The following SND1 variants were observed in gnomAD, a reference collection of about 807,000 sequenced individuals.
SND1 encodes staphylococcal nuclease domain-containing protein 1.
SND1 carries 38 observed loss-of-function variants against 121.7 expected under a neutral mutation model. The observed-to-expected ratio is 0.31, with a 90% CI of 0.24 to 0.41. SND1 has a LOEUF of 0.41. SND1 is among the 10% of genes least tolerant of loss of function. SND1 has a pLI of 1.00. For missense variants in SND1, 868 were observed against 1,184.6 expected, an observed-to-expected ratio of 0.73 and a Z score of 3.92; for synonymous variants, 401 against 447.4, an observed-to-expected ratio of 0.90 and a Z score of 1.31.
In SND1 at chr7:127,836,499, T is replaced by A. The variant is rs1477139923; in HGVS notation, c.1243-7825T>A. On this transcript the variant is annotated intron_variant, in intron 11 of 23. Transcript: ENST00000354725. ...GGGAGCATTGGTTTATGTCTTCTAA[T>A]CTTTGTAGCATAGATGAGACAACAA... Among the ~76,000 whole-genome samples the A allele has an allele frequency of 8.5e-5, 13 of 152,176 alleles. 1 individual carries two copies. Among genetic ancestry groups the A allele is most frequent in the Admixed American group, 8.5e-4 (13 of 15,280 alleles).
At chr7:127,990,644 TGAG>T (rs1802500055) in intron 15 of SND1, among the ~76,000 whole-genome samples, 1 of 152,186 alleles carries the variant, frequency 6.6e-6, no homozygotes, top group East Asian at 1.9e-4. Flanking sequence ...CAGTGCAGGA[TGAG>T]GAGTTCCTGC....
chr7:127,767,407 C>T (rs1468121638), intron 10 of SND1, among the ~76,000 whole-genome samples: 1 of 152,124 alleles, frequency 6.6e-6, no homozygotes, highest in East Asian at 1.9e-4. Context: ...TGAAGCTAGG[C>T]CCTCGAATCT....
chr7:128,000,725 C>T (rs969750971), intron 16 of SND1, among the ~76,000 whole-genome samples: 4 of 152,186 alleles, frequency 2.6e-5, no homozygotes, highest in Non-Finnish European at 4.4e-5. Flanking sequence ...CTCCCTGTTC[C>T]GTTTGTCCTA....
At chr7:127,916,746 A>G (rs2116791161) in intron 14 of SND1, among the ~76,000 whole-genome samples, 1 of 152,320 alleles carries the variant, frequency 6.6e-6, no homozygotes, top group Non-Finnish European at 1.5e-5. Context: ...TGAAATTGAA[A>G]ACTATCCAGT....
intron 11 of SND1, among the ~76,000 whole-genome samples, chr7:127,815,494 A>T (rs1350052833): frequency 1.3e-5 from 2 of 152,040 alleles, no homozygotes; most frequent in Admixed American, 1.3e-4. Flanking sequence ...CAACTCTAGA[A>T]GAAGAAGGAG....
intron 1 of SND1, among the ~76,000 whole-genome samples, chr7:127,685,413 T>TA (rs1457438494): frequency 6.6e-6 from 1 of 152,362 alleles, no homozygotes; most frequent in Non-Finnish European, 1.5e-5. Context: ...CTTTCGAAGC[T>TA]ATTTTTTATG....
intron 16 of SND1, among the ~76,000 whole-genome samples, chr7:128,023,866 CAT>C (rs1421652409): frequency 6.6e-6 from 1 of 152,120 alleles, no homozygotes; most frequent in African/African-American, 2.4e-5. Flanking sequence ...CACACACATA[CAT>C]ATATAATTAT....
At chr7:127,872,867 A>G (rs1282628674) in intron 12 of SND1, among the ~76,000 whole-genome samples, 1 of 152,192 alleles carries the variant, frequency 6.6e-6, no homozygotes, top group Non-Finnish European at 1.5e-5. Flanking sequence ...TTGGGGAGTC[A>G]TATTTGGTTA....
At chr7:127,961,007 T>C (rs17151575) in intron 15 of SND1, among the ~76,000 whole-genome samples, 9,763 of 152,274 alleles carry the variant, frequency 0.064, 943 homozygotes, top group African/African-American at 0.2. Context: ...GGCACATCTC[T>C]GGCAGAGGGT....
At chr7:127,706,294 G>A (rs1396362913) in intron 8 of SND1, among the ~76,000 whole-genome samples, 1 of 117,086 alleles carries the variant, frequency 8.5e-6, no homozygotes, top group African/African-American at 3.5e-5. Context: ...GTCTTGCTCT[G>A]TTGCCAGGCT....
intron 10 of SND1, among the ~76,000 whole-genome samples, chr7:127,781,922 G>A (rs920113074): frequency 2.6e-5 from 4 of 152,166 alleles, no homozygotes; most frequent in Non-Finnish European, 5.9e-5. Flanking sequence ...ATAATTATTT[G>A]CAGTACTTAG....
chr7:128,015,458 G>C lies in SND1; in HGVS notation c.1779+24402G>C, dbSNP rs1177301875. Among the ~76,000 whole-genome samples, 2 of 152,120 alleles carry C rather than the reference G, an allele frequency of 1.3e-5. No homozygotes were observed. The highest frequency in any genetic ancestry group is 2.4e-5 in the African/African-American group (1 of 41,422). On this transcript the variant is annotated intron_variant, in intron 16 of 23. Transcript: ENST00000354725. The surrounding 1 kb of genome is among the most constrained non-coding windows in gnomAD (Gnocchi z 4.5). ...CTCCCTAAGTATTTATAGGAGCTGA[G>C]AGTCAAAAAAGCACATGTCAGAAAT...
chr7:127,766,546 C>A (rs532395416), intron 10 of SND1, among the ~76,000 whole-genome samples: 17 of 152,080 alleles, frequency 1.1e-4, no homozygotes, highest in African/African-American at 3.4e-4. Context: ...GAGGCCAAGG[C>A]GGGCGAATCA....
At chr7:127,929,110 T>G in intron 14 of SND1, 78 bp from the exon 15 acceptor site, 6 of 1,478,504 alleles carry the variant, frequency 4.1e-6, no homozygotes, top group Non-Finnish European at 5.6e-6. Context: ...CCTGCCAAAC[T>G]TTTTGTCCTA....
chr7:128,016,427 TACTG>T (rs1803226410), intron 16 of SND1, among the ~76,000 whole-genome samples: 1 of 152,182 alleles, frequency 6.6e-6, no homozygotes, highest in Non-Finnish European at 1.5e-5. Flanking sequence ...AACAATAAAA[TACTG>T]ACTAAGAGGC....
chr7:127,950,643 C>T (rs970178824), intron 15 of SND1, among the ~76,000 whole-genome samples: 3 of 152,192 alleles, frequency 2.0e-5, no homozygotes, highest in African/African-American at 7.2e-5. Flanking sequence ...GTTACATTCC[C>T]TCCCTCCTGC....
chr7:127,794,321 G>A (rs1470033837), intron 10 of SND1, among the ~76,000 whole-genome samples: 1 of 152,174 alleles, frequency 6.6e-6, no homozygotes, highest in Non-Finnish European at 1.5e-5. Context: ...CTTTCTGTGT[G>A]CACTTACATA....
In SND1 at chr7:127,802,978, T is replaced by C. The variant is rs79525141; in HGVS notation, c.1153-4506T>C. On this transcript the variant is annotated intron_variant, in intron 10 of 23. Transcript: ENST00000354725. ...GCCGCTGCCTTGATGTAATCTCTTA[T>C]GATTTCCTGCCCAGATTACTATCAT... Among the ~76,000 whole-genome samples, 629 of 152,362 alleles carry C rather than the reference T, an allele frequency of 4.1e-3. 7 individuals carry two copies. Among genetic ancestry groups the C allele is most frequent in the African/African-American group, 0.015 (605 of 41,588 alleles).
At chr7:127,767,704 G>C (rs1230553604) in intron 10 of SND1, among the ~76,000 whole-genome samples, 2 of 152,110 alleles carry the variant, frequency 1.3e-5, no homozygotes, top group Non-Finnish European at 2.9e-5. Flanking sequence ...CACAGTCTCT[G>C]GATAGCAGTG....
Sources: gnomAD v4.1 joint callset for allele counts (sites outside exome capture counted in the v4.1 genomes callset) on GRCh38, gnomAD v4.1.1 for gene constraint, Gnocchi (gnomAD v3.1) non-coding constraint, MANE v1.5 for transcripts, NCBI Gene and HGNC (gene_info 2026-07-23, HGNC 2026-07-21) for gene names.